MCPH1: variants seen among roughly 807,000 people sequenced by gnomAD.
The protein encoded by MCPH1 is microcephalin 1.
In MCPH1, 104 loss-of-function variants were observed where a neutral mutation model predicts 84.5. The observed-to-expected ratio is 1.23, with a 90% confidence interval of 1.05 to 1.45. The LOEUF (loss-of-function observed/expected upper bound fraction) is 1.45. Ranked by LOEUF, MCPH1 falls within the 40% of genes most tolerant of loss-of-function variation. MCPH1 has a pLI of 0.00. For missense variants in MCPH1, 1,498 were observed against 1,005.7 expected, an observed-to-expected ratio of 1.49 and a Z score of -6.62; for synonymous variants, 514 against 366.8, an observed-to-expected ratio of 1.40 and a Z score of -4.58.
chr8:6,417,648 A>G lies in MCPH1; in HGVS notation c.233+2765A>G, dbSNP rs116906494. Among the ~76,000 whole-genome samples the G allele has an allele frequency of 4.7e-3, 710 of 151,844 alleles. 4 individuals carry two copies. The highest frequency in any genetic ancestry group is 6.8e-3 in the Middle Eastern group (2 of 294). On this transcript the variant is annotated intron_variant, in intron 3 of 13. Transcript: ENST00000344683. ...TCTAACATTTCTAGTTGGTTTTTGT[A>G]TACATTCTTTTTATTTCGGTTTCAT...
chr8:6,522,494 C>T (rs571679760), intron 12 of MCPH1, among the ~76,000 whole-genome samples: 8 of 152,264 alleles, frequency 5.3e-5, no homozygotes, highest in Middle Eastern at 3.4e-3. Flanking sequence ...ACATTGAGGG[C>T]CAGGCTCAGT....
intron 2 of MCPH1, among the ~76,000 whole-genome samples, chr8:6,410,712 T>A (rs1798420488): frequency 6.6e-6 from 1 of 152,176 alleles, no homozygotes. Context: ...ACATCTTCAT[T>A]CCCAAAGATA....
intron 2 of MCPH1, among the ~76,000 whole-genome samples, chr8:6,413,463 TG>T (rs1798818258): frequency 6.6e-6 from 1 of 151,652 alleles, no homozygotes; most frequent in Non-Finnish European, 1.5e-5. Flanking sequence ...AACTTTTCTT[TG>T]ATTATTTCTT....
intron 13 of MCPH1, chr8:6,626,791 C>A: frequency 1.0e-6 from 1 of 985,236 alleles, no homozygotes; most frequent in Non-Finnish European, 1.2e-6. Context: ...CAAGGGTCTG[C>A]GACATTTGTG....
chr8:6,638,737 T>C (rs1235413229), intron 13 of MCPH1, among the ~76,000 whole-genome samples: 1 of 152,198 alleles, frequency 6.6e-6, no homozygotes, highest in Non-Finnish European at 1.5e-5. Flanking sequence ...GGATTATTCC[T>C]ATGAAGTGAC....
chr8:6,572,967 C>T (rs73661410), intron 12 of MCPH1, among the ~76,000 whole-genome samples: 4 of 152,164 alleles, frequency 2.6e-5, no homozygotes, highest in Non-Finnish European at 5.9e-5. Context: ...GCCCTTTCTC[C>T]CTCCCTGAAG....
At chr8:6,526,106 C>T (rs940326760) in intron 12 of MCPH1, among the ~76,000 whole-genome samples, 19 of 151,936 alleles carry the variant, frequency 1.3e-4, no homozygotes, top group African/African-American at 4.6e-4. Context: ...TTGAAGAGAA[C>T]ATTACTAAGT....
intron 12 of MCPH1, among the ~76,000 whole-genome samples, chr8:6,567,398 T>A (rs2129576268): frequency 6.6e-6 from 1 of 152,342 alleles, no homozygotes; most frequent in South Asian, 2.1e-4. Context: ...CACGGTGCAG[T>A]GACCACCGTG....
chr8:6,633,866 C>G (rs1797342311), intron 13 of MCPH1, among the ~76,000 whole-genome samples: 2 of 152,092 alleles, frequency 1.3e-5, no homozygotes, highest in South Asian at 4.2e-4. Context: ...TGCAGATCCC[C>G]CTATGTGTAA....
chr8:6,493,143 T>TA (rs1810842887), intron 11 of MCPH1, among the ~76,000 whole-genome samples: 1 of 152,226 alleles, frequency 6.6e-6, no homozygotes, highest in Non-Finnish European at 1.5e-5. Context: ...AGTACGCACT[T>TA]AGTTATTTAT....
intron 12 of MCPH1, among the ~76,000 whole-genome samples, chr8:6,525,898 G>T (rs1346397022): frequency 6.6e-6 from 1 of 152,088 alleles, no homozygotes; most frequent in South Asian, 2.1e-4. Context: ...TGATATTTGG[G>T]GAACATAATT....
At chr8:6,416,490 CTGTTGCAGGT>C (rs1220954379) in intron 3 of MCPH1, among the ~76,000 whole-genome samples, 7 of 152,154 alleles carry the variant, frequency 4.6e-5, no homozygotes, top group African/African-American at 2.4e-5. Flanking sequence ...CCATTCCCTT[CTGTTGCAGGT>C]TGTTTGTTTG....
intron 12 of MCPH1, among the ~76,000 whole-genome samples, chr8:6,543,245 T>C (rs1821928763): frequency 6.6e-6 from 1 of 152,198 alleles, no homozygotes; most frequent in African/African-American, 2.4e-5. Flanking sequence ...ACACGAAGAC[T>C]CAGCGGGAAC....
chr8:6,508,429 G>C (rs1814231197), intron 12 of MCPH1: 1 of 164,378 alleles, frequency 6.1e-6, no homozygotes, highest in Admixed American at 6.4e-5. Context: ...AACAAAGTAA[G>C]ACTCTGTCTC....
At chr8:6,432,994 A>C (rs1007427065) in intron 4 of MCPH1, among the ~76,000 whole-genome samples, 6 of 152,204 alleles carry the variant, frequency 3.9e-5, no homozygotes, top group African/African-American at 1.4e-4. Flanking sequence ...TCTTCAGTAC[A>C]TTACACACAT....
intron 8 of MCPH1, among the ~76,000 whole-genome samples, chr8:6,454,407 G>A (rs746568718): frequency 5.3e-5 from 8 of 152,140 alleles, no homozygotes; most frequent in Non-Finnish European, 1.0e-4. Flanking sequence ...CCATGTTATG[G>A]TCCATGTTAG....
chr8:6,438,283 C>CA (rs1362817646), intron 5 of MCPH1, among the ~76,000 whole-genome samples: 1 of 152,118 alleles, frequency 6.6e-6, no homozygotes, highest in African/African-American at 2.4e-5. Flanking sequence ...AACTAATGTA[C>CA]ATTTGTATAT....
chr8:6,413,164 T>C (rs1798776479), intron 2 of MCPH1, among the ~76,000 whole-genome samples: 1 of 152,340 alleles, frequency 6.6e-6, no homozygotes, highest in East Asian at 1.9e-4. Flanking sequence ...ACTAATATTT[T>C]AGCTGAGTGT....
chr8:6,467,028 A>G (rs1807064416), intron 9 of MCPH1, among the ~76,000 whole-genome samples: 1 of 152,232 alleles, frequency 6.6e-6, no homozygotes, highest in Non-Finnish European at 1.5e-5. Flanking sequence ...GGGAATAAAA[A>G]CATTATTATT....
Sources: allele counts gnomAD v4.1 joint callset (sites outside exome capture counted in the v4.1 genomes callset), GRCh38; gene constraint gnomAD v4.1.1; transcripts MANE v1.5; gene names NCBI Gene and HGNC (gene_info 2026-07-23, HGNC 2026-07-21).